The following MTUS2 variants were observed in gnomAD, a reference collection of about 807,000 sequenced individuals.
MTUS2 encodes the protein microtubule-associated tumor suppressor candidate 2.
In MTUS2, 40 loss-of-function variants were observed where a neutral mutation model predicts 114.1. The observed-to-expected ratio is 0.35, with a 90% CI of 0.27 to 0.46. The LOEUF (loss-of-function observed/expected upper bound fraction) is 0.46, where lower values mean the gene tolerates loss of function less well. Ranked by LOEUF, MTUS2 falls within the 20% of genes least tolerant of loss-of-function variation. MTUS2 has a pLI of 1.00. For missense variants in MTUS2, 1,679 were observed against 1,705.4 expected, an observed-to-expected ratio of 0.98 and a Z score of 0.27; for synonymous variants, 688 against 672.0, an observed-to-expected ratio of 1.02 and a Z score of -0.37.
At chr13:28,982,122 C>A (rs1647385861) in intron 2 of MTUS2, among the ~76,000 whole-genome samples, 1 of 152,026 alleles carries the variant, frequency 6.6e-6, no homozygotes, top group Non-Finnish European at 1.5e-5. Flanking sequence ...TTTAGATGGG[C>A]AAGAACAGAA....
intron 2 of MTUS2, among the ~76,000 whole-genome samples, chr13:28,949,876 A>G (rs1228486648): frequency 1.3e-5 from 2 of 152,230 alleles, no homozygotes; most frequent in Non-Finnish European, 2.9e-5. Flanking sequence ...CTGCCTCTGC[A>G]TTTTGGCTAT....
intron 4 of MTUS2, among the ~76,000 whole-genome samples, chr13:29,043,854 T>C (rs1239098854): frequency 2.6e-5 from 4 of 151,936 alleles, no homozygotes; most frequent in Non-Finnish European, 5.9e-5. Flanking sequence ...TATATCACTT[T>C]GTATATGGTG....
At chr13:29,393,877 TAAAAGAC>T (rs559700788) in intron 8 of MTUS2, among the ~76,000 whole-genome samples, 120 of 152,224 alleles carry the variant, frequency 7.9e-4, no homozygotes, top group African/African-American at 2.7e-3. Flanking sequence ...CATAGGTAGA[TAAAAGAC>T]AAACGGTTGC....
chr13:29,328,093 T>C (rs1018353156), intron 7 of MTUS2, among the ~76,000 whole-genome samples: 11 of 152,328 alleles, frequency 7.2e-5, no homozygotes, highest in African/African-American at 7.2e-5. Context: ...TGTTTTCTTA[T>C]TGAATTTTGA....
intron 2 of MTUS2, among the ~76,000 whole-genome samples, chr13:28,949,704 C>A (rs910092495): frequency 6.6e-6 from 1 of 152,180 alleles, no homozygotes; most frequent in African/African-American, 2.4e-5. Context: ...TAGAATCATA[C>A]AATATTGATC....
intron 5 of MTUS2, among the ~76,000 whole-genome samples, chr13:29,175,584 C>T (rs1893739371): frequency 6.6e-6 from 1 of 152,172 alleles, no homozygotes; most frequent in Admixed American, 6.5e-5. Flanking sequence ...AGCATTGTGG[C>T]ATTTGAGGGC....
chr13:29,142,171 A>G (rs1332051092), intron 5 of MTUS2, among the ~76,000 whole-genome samples: 1 of 152,128 alleles, frequency 6.6e-6, no homozygotes, highest in Non-Finnish European at 1.5e-5. Flanking sequence ...AGGTAATTAT[A>G]TGTGTATATA....
intron 5 of MTUS2, among the ~76,000 whole-genome samples, chr13:29,105,836 C>T (rs1018355377): frequency 2.6e-5 from 4 of 151,936 alleles, no homozygotes; most frequent in Non-Finnish European, 5.9e-5. Flanking sequence ...GGTTGTTTCT[C>T]AGAAGGGATT....
intron 5 of MTUS2, among the ~76,000 whole-genome samples, chr13:29,254,888 A>G (rs1897244234): frequency 6.6e-6 from 1 of 152,164 alleles, no homozygotes; most frequent in South Asian, 2.1e-4. Context: ...CTACACAGAT[A>G]TGGACTTCTT....
intron 7 of MTUS2, among the ~76,000 whole-genome samples, chr13:29,345,393 T>C (rs1868565018): frequency 6.6e-6 from 1 of 151,958 alleles, no homozygotes; most frequent in South Asian, 2.1e-4. Flanking sequence ...AATGGGTTAA[T>C]TCAAAAGCCT....
At chr13:28,928,361 A>G (rs1881436312) in intron 2 of MTUS2, among the ~76,000 whole-genome samples, 1 of 152,212 alleles carries the variant, frequency 6.6e-6, no homozygotes, top group South Asian at 2.1e-4. Flanking sequence ...CCCACTTGAC[A>G]AGGGATTAAT....
chr13:28,997,328 T>C (rs1479481082), intron 2 of MTUS2, among the ~76,000 whole-genome samples: 1 of 152,058 alleles, frequency 6.6e-6, no homozygotes. Flanking sequence ...TGTGGACAAT[T>C]TTGGGATAGG....
intron 5 of MTUS2, among the ~76,000 whole-genome samples, chr13:29,255,017 AT>A (rs945624381): frequency 6.6e-6 from 1 of 151,972 alleles, no homozygotes; most frequent in African/African-American, 2.4e-5. Flanking sequence ...GCACCCTGTG[AT>A]TTTTTCCTGA....
rs912873668 is a variant in MTUS2, at chr13:29,414,511, G to T, written c.3118-25472G>T. ...AAGAAGACTGTAGTGAAAATATTTG[G>T]CCCTGATGTTTTTTGTATGCAATAG... On this transcript the variant is annotated intron_variant, in intron 8 of 15. Coordinates refer to ENST00000612955, the MANE Select transcript of MTUS2 (RefSeq NM_001033602.4). Among the ~76,000 whole-genome samples the T allele has an allele frequency of 1.1e-3, 157 of 148,304 alleles. 1 individual carries two copies. The highest frequency in any genetic ancestry group is 3.8e-3 in the African/African-American group (153 of 40,432).
At chr13:29,384,159 G>C (rs1484832181) in intron 8 of MTUS2, among the ~76,000 whole-genome samples, 1 of 152,220 alleles carries the variant, frequency 6.6e-6, no homozygotes, top group Non-Finnish European at 1.5e-5. Flanking sequence ...GAGAAAGGTA[G>C]ACAATAAGGG....
intron 6 of MTUS2, among the ~76,000 whole-genome samples, chr13:29,300,688 A>C (rs1207852196): frequency 6.6e-6 from 1 of 152,144 alleles, no homozygotes; most frequent in Non-Finnish European, 1.5e-5. Flanking sequence ...ATGTGTTTGA[A>C]GTGAAGTCTT....
At position 29,013,580 on chromosome 13, in the gene MTUS2, C is replaced by A. The variant is rs993405057; in HGVS notation, c.-242-10877C>A. 3.9e-5 allele frequency among the ~76,000 whole-genome samples: 6 copies of A among 152,238 alleles called. No homozygotes were observed. In the South Asian group the frequency reaches 6.2e-4, roughly 16 times the overall value. ...CAGTGTTTGACAGATTTGAGTTTCC[C>A]AGTGGCTTCTTTTCTTTAAGACTTC... On this transcript the variant is annotated intron_variant, in intron 2 of 15. Transcript: ENST00000612955.
At chr13:29,425,717 T>G (rs1876469209) in intron 8 of MTUS2, among the ~76,000 whole-genome samples, 1 of 152,204 alleles carries the variant, frequency 6.6e-6, no homozygotes, top group African/African-American at 2.4e-5. Flanking sequence ...CATGAATACA[T>G]TTCTCAGAAT....
At chr13:29,078,199 T>C (rs1005740010) in intron 4 of MTUS2, among the ~76,000 whole-genome samples, 5 of 152,152 alleles carry the variant, frequency 3.3e-5, no homozygotes, top group Non-Finnish European at 5.9e-5. Context: ...TGATCTTAGG[T>C]TTTTATTAAA....
Sources: allele counts gnomAD v4.1 joint callset (sites outside exome capture counted in the v4.1 genomes callset), GRCh38; gene constraint gnomAD v4.1.1; transcripts MANE v1.5; gene names NCBI Gene and HGNC (gene_info 2026-07-23, HGNC 2026-07-21).